The following GC variants were observed in gnomAD, a reference collection of about 807,000 sequenced individuals.
GC encodes the protein GC vitamin D binding protein, also known as vitamin D-binding protein.
In GC, 43 loss-of-function variants were observed where a neutral mutation model predicts 56.7. That is an observed-to-expected ratio of 0.76 (90% confidence interval 0.59 to 0.98). The LOEUF is 0.98. Among genes scored for constraint, GC ranks in the 50% least tolerant of loss-of-function variants. GC has a pLI of 0.00. For synonymous variants in GC, 216 were observed against 202.7 expected (o/e 1.07, Z -0.56); for missense variants, 529 against 545.9 (o/e 0.97, Z 0.31).
At chr4:71,750,588 T>C (rs762097097) in intron 11 of GC, among the ~76,000 whole-genome samples, 8 of 152,142 alleles carry the variant, frequency 5.3e-5, no homozygotes, top group Non-Finnish European at 1.0e-4. Flanking sequence ...ATTTCACTTA[T>C]AGAAAGGGCC....
intron 1 of GC, among the ~76,000 whole-genome samples, chr4:71,798,751 A>G (rs1040508601): frequency 5.7e-4 from 86 of 152,206 alleles, no homozygotes; most frequent in African/African-American, 1.9e-3. Context: ...TTAGCTGGAT[A>G]CTTGGGTGTA....
At chr4:71,804,653 A>T (rs183164945), upstream of GC, among the ~76,000 whole-genome samples, 165 of 152,202 alleles carry the variant, frequency 1.1e-3, 1 homozygote, top group African/African-American at 3.9e-3. Flanking sequence ...CCTTTCATAA[A>T]TGGGCTAGCA....
intron 11 of GC, among the ~76,000 whole-genome samples, chr4:71,749,952 TA>T (rs1336332846): frequency 2.0e-5 from 3 of 152,130 alleles, no homozygotes; most frequent in Non-Finnish European, 4.4e-5. Context: ...CCAGAATCCC[TA>T]AGGTTATAAG....
At position 71,756,956 on chromosome 4, in the gene GC, A is replaced by G. The variant is rs185375603; in HGVS notation, c.832-42T>C. The G allele has an allele frequency of 4.9e-4, 649 of 1,314,086 alleles. 3 individuals carry two copies. The African/African-American group carries it at 8.9e-3, about 18-fold the overall frequency. 81.4% of individuals were successfully genotyped at this position (1,314,086 alleles called of 1,614,324 possible). A position where few individuals can be genotyped will look rare whatever the true frequency, so the allele number is the denominator to read the frequency against. ...TAGTTTGTGCATTGTTAGTTTCCTGATAGTCTAATTAAAAATAAGAATTAC... is the reference window on the plus strand; with the variant it reads ...TAGTTTGTGCATTGTTAGTTTCCTGGTAGTCTAATTAAAAATAAGAATTAC... On this transcript the variant is annotated intron_variant, in intron 7 of 12. Coordinates refer to ENST00000273951, the MANE Select transcript of GC (RefSeq NM_000583.4).
At chr4:71,757,232 G>A (rs973411241) in intron 7 of GC, among the ~76,000 whole-genome samples, 1 of 151,986 alleles carries the variant, frequency 6.6e-6, no homozygotes, top group African/African-American at 2.4e-5. Flanking sequence ...TACAATAGAG[G>A]ATTAGTAAAA....
chr4:71,797,944 C>T (rs905114442), intron 1 of GC, among the ~76,000 whole-genome samples: 1 of 152,194 alleles, frequency 6.6e-6, no homozygotes, highest in East Asian at 1.9e-4. Flanking sequence ...TTCTCACTTT[C>T]TTCTCTTTAA....
Position 71,799,718 on chromosome 4 carries a change from T to C in GC, c.21+4208A>G, listed in dbSNP as rs145994381. ...CTGGGAGGAGAAGCATACTCTAGCA[T>C]AGAGAGCTCTGAATCTCTTCCCAAA... On this transcript the variant is annotated intron_variant, in intron 1 of 13. Transcript: ENST00000504199. Among the ~76,000 whole-genome samples, 521 of 152,286 alleles carry C rather than the reference T, an allele frequency of 3.4e-3. 1 individual carries two copies. The highest frequency in any genetic ancestry group is 0.012 in the African/African-American group (488 of 41,560).
chr4:71,758,285 G>T (rs909839961), intron 6 of GC, 114 bp from the exon 7 acceptor site: 6 of 864,282 alleles, frequency 6.9e-6, no homozygotes, highest in Non-Finnish European at 9.2e-6. Flanking sequence ...TTGGCCTCAA[G>T]AGATGCATGG....
chr4:71,773,465 T>C (rs1394153313), intron 1 of GC, among the ~76,000 whole-genome samples: 1 of 152,084 alleles, frequency 6.6e-6, no homozygotes, highest in African/African-American at 2.4e-5. Context: ...GAGGCTTACT[T>C]TGTGCCAGGC....
chr4:71,766,190 G>A (rs222012), intron 3 of GC, among the ~76,000 whole-genome samples: 3 of 152,108 alleles, frequency 2.0e-5, no homozygotes, highest in Non-Finnish European at 2.9e-5. Context: ...TTCTTGAACC[G>A]GCTTTTGCAT....
intron 1 of GC, among the ~76,000 whole-genome samples, chr4:71,790,358 A>AT (rs965994225): frequency 3.3e-5 from 5 of 152,024 alleles, no homozygotes; most frequent in African/African-American, 1.2e-4. Context: ...CTTTTTACAT[A>AT]TTTTTACTTT....
chr4:71,789,355 GC>G (rs1008980021), intron 1 of GC, among the ~76,000 whole-genome samples: 3 of 151,692 alleles, frequency 2.0e-5, no homozygotes, highest in African/African-American at 7.3e-5. Flanking sequence ...TCATAGCCTG[GC>G]TAATCTTTGT....
chr4:71,743,936 TG>T (rs1338336035), intron 12 of GC, among the ~76,000 whole-genome samples: 2 of 152,232 alleles, frequency 1.3e-5, no homozygotes, highest in African/African-American at 4.8e-5. Flanking sequence ...AAAATGTATT[TG>T]GGTAGCCAAA....
In GC at chr4:71,750,606, C is replaced by T. The variant is rs192523622; in HGVS notation, c.1395+1912G>A. 2.7e-3 allele frequency among the ~76,000 whole-genome samples: 412 copies of T among 152,156 alleles called. 2 individuals carry two copies. The highest frequency in any genetic ancestry group is 4.4e-3 in the Non-Finnish European group (299 of 68,000). Reference sequence around the variant, plus strand: ...TCACTTATAGAAAGGGCCTTCTGGCCGGGCGCAGTGGCTCACACCTGTAAT... The same window carrying T: ...TCACTTATAGAAAGGGCCTTCTGGCTGGGCGCAGTGGCTCACACCTGTAAT... On this transcript the variant is annotated intron_variant, in intron 11 of 12. Coordinates refer to ENST00000273951, the MANE Select transcript of GC (RefSeq NM_000583.4).
At chr4:71,781,176 G>T (rs1303539883) in intron 1 of GC, among the ~76,000 whole-genome samples, 1 of 151,816 alleles carries the variant, frequency 6.6e-6, no homozygotes, top group Admixed American at 6.6e-5. Context: ...ATAGTTGGGA[G>T]TTGAACAATG....
intron 1 of GC, among the ~76,000 whole-genome samples, chr4:71,773,424 T>A (rs528054901): frequency 3.7e-4 from 57 of 152,162 alleles, no homozygotes; most frequent in African/African-American, 1.1e-3. Context: ...GAGTTGACAA[T>A]ATTCATTCAT....
chr4:71,747,520 C>G (rs904657615), intron 11 of GC, among the ~76,000 whole-genome samples: 3 of 152,066 alleles, frequency 2.0e-5, no homozygotes, highest in African/African-American at 7.2e-5. Flanking sequence ...GGAAGGTATA[C>G]TTATGGGTAT....
chr4:71,769,585 G>T (rs960063700), intron 1 of GC, 185 bp from the exon 2 acceptor site: 27 of 541,674 alleles, frequency 5.0e-5, no homozygotes, highest in African/African-American at 5.0e-4. Flanking sequence ...ACAATTTTAT[G>T]ACATTCTGTT....
chr4:71,776,922 T>A (rs1742525361), intron 1 of GC, among the ~76,000 whole-genome samples: 1 of 151,944 alleles, frequency 6.6e-6, no homozygotes, highest in Non-Finnish European at 1.5e-5. Context: ...GGAGAGGATA[T>A]ATTGGATGTG....
Sources: gnomAD v4.1 joint callset for allele counts (sites outside exome capture counted in the v4.1 genomes callset) on GRCh38, gnomAD v4.1.1 for gene constraint, MANE v1.5 for transcripts, NCBI Gene and HGNC (gene_info 2026-07-23, HGNC 2026-07-21) for gene names.